Variants in LOC128462377 observed in about 807,000 individuals in gnomAD.
At chr16:89,318,915 T>C in the LOC128462377 span, among the ~76,000 whole-genome samples, 1 of 152,168 alleles carries the variant, frequency 6.6e-6, no homozygotes, top group African/African-American at 2.4e-5. Flanking sequence ...TCTCTCTACC[T>C]GAACCAATGA....
the LOC128462377 span, chr16:89,396,040 C>T: frequency 6.6e-6 from 1 of 152,186 alleles, no homozygotes; most frequent in Admixed American, 6.5e-5. Context: ...GTTGTTCGGA[C>T]ATGAGTACTG....
the LOC128462377 span, among the ~76,000 whole-genome samples, chr16:89,382,786 A>G: frequency 6.6e-6 from 1 of 152,200 alleles, no homozygotes; most frequent in South Asian, 2.1e-4. Context: ...CAGCTGAAAT[A>G]AACGTTTAAC....
the LOC128462377 span, among the ~76,000 whole-genome samples, chr16:89,368,001 C>A: frequency 6.6e-6 from 1 of 152,134 alleles, no homozygotes; most frequent in African/African-American, 2.4e-5. Flanking sequence ...AAGACTCACT[C>A]TCTCAAAACA....
At chr16:89,388,271 C>T in the LOC128462377 span, among the ~76,000 whole-genome samples, 1 of 149,594 alleles carries the variant, frequency 6.7e-6, no homozygotes, top group Non-Finnish European at 1.5e-5. Context: ...GTGCCGGGTG[C>T]TCTCTTCTCT....
At chr16:89,366,786 G>A in the LOC128462377 span, among the ~76,000 whole-genome samples, 1 of 152,186 alleles carries the variant, frequency 6.6e-6, no homozygotes, top group Admixed American at 6.5e-5. Context: ...CCCACTTCCG[G>A]GGGCACCCAG....
At chr16:89,352,202 T>C in the LOC128462377 span, among the ~76,000 whole-genome samples, 1 of 152,122 alleles carries the variant, frequency 6.6e-6, no homozygotes, top group East Asian at 1.9e-4. Flanking sequence ...TTATCTTCTT[T>C]GAAAAGCATG....
the LOC128462377 span, among the ~76,000 whole-genome samples, chr16:89,317,550 T>G: frequency 6.6e-6 from 1 of 152,194 alleles, no homozygotes; most frequent in African/African-American, 2.4e-5. Flanking sequence ...ACTCACCACC[T>G]GGGAAGGAGC....
the LOC128462377 span, among the ~76,000 whole-genome samples, chr16:89,398,667 G>A: frequency 2.0e-4 from 31 of 152,290 alleles, no homozygotes; most frequent in East Asian, 5.2e-3. Context: ...GTTTGAGCCC[G>A]GGAGGTTGAG....
At chr16:89,322,954 T>C in the LOC128462377 span, 3 of 251,974 alleles carry the variant, frequency 1.2e-5, no homozygotes, top group Non-Finnish European at 2.4e-5. Flanking sequence ...AGCTATCCGC[T>C]CACTTGAGCC....
the LOC128462377 span, among the ~76,000 whole-genome samples, chr16:89,320,925 A>T: frequency 2.0e-5 from 3 of 152,348 alleles, no homozygotes; most frequent in South Asian, 6.2e-4. Flanking sequence ...GGCTGGCAGG[A>T]CAGACGTGAC....
At chr16:89,394,923 A>G in the LOC128462377 span, among the ~76,000 whole-genome samples, 1 of 152,220 alleles carries the variant, frequency 6.6e-6, no homozygotes, top group South Asian at 2.1e-4. Context: ...GCCAATTCAG[A>G]GGCGACAGTT....
At chr16:89,332,694 C>A in the LOC128462377 span, among the ~76,000 whole-genome samples, 3 of 152,194 alleles carry the variant, frequency 2.0e-5, no homozygotes, top group African/African-American at 4.8e-5. Flanking sequence ...CCAGGCAGGG[C>A]TCTCCTCCGG....
chr16:89,317,944 G>A, the LOC128462377 span, among the ~76,000 whole-genome samples: 1 of 152,120 alleles, frequency 6.6e-6, no homozygotes, highest in Non-Finnish European at 1.5e-5. Context: ...CCAGCGCAGA[G>A]CCAGGTAAAG....
the LOC128462377 span, among the ~76,000 whole-genome samples, chr16:89,359,596 A>G: frequency 6.6e-6 from 1 of 152,306 alleles, no homozygotes; most frequent in East Asian, 1.9e-4. Context: ...GCTGGCCGAA[A>G]CTGTTATTAA....
At chr16:89,355,735 C>G in the LOC128462377 span, among the ~76,000 whole-genome samples, 1 of 152,184 alleles carries the variant, frequency 6.6e-6, no homozygotes, top group South Asian at 2.1e-4. Context: ...AGCATCCACC[C>G]GTCGAGGGCA....
chr16:89,379,923 G>GTT, the LOC128462377 span, among the ~76,000 whole-genome samples: 1 of 152,196 alleles, frequency 6.6e-6, no homozygotes, highest in Non-Finnish European at 1.5e-5. Flanking sequence ...GACCTTTTCA[G>GTT]TTTTCCAATC....
chr16:89,356,935 G>A, the LOC128462377 span, among the ~76,000 whole-genome samples: 1 of 152,356 alleles, frequency 6.6e-6, no homozygotes, highest in East Asian at 1.9e-4. Context: ...TCCTGCTGCT[G>A]GGAAGGGCCA....
chr16:89,335,111 ATAAC>A, the LOC128462377 span, among the ~76,000 whole-genome samples: 5 of 152,200 alleles, frequency 3.3e-5, no homozygotes, highest in South Asian at 2.1e-4. Context: ...ACCTCCCCAA[ATAAC>A]TAATCAGGAC....
chr16:89,384,448 G>A, the LOC128462377 span, among the ~76,000 whole-genome samples: 1 of 152,014 alleles, frequency 6.6e-6, no homozygotes, highest in Admixed American at 6.6e-5. Context: ...GAGCAGAACG[G>A]GATGGGATGA....
Sources: gnomAD v4.1 joint callset for allele counts (sites outside exome capture counted in the v4.1 genomes callset) on GRCh38, gnomAD v4.1.1 for gene constraint, MANE v1.5 for transcripts.